ITCH: variants seen among roughly 807,000 people sequenced by gnomAD.
ITCH encodes the protein itchy E3 ubiquitin protein ligase.
A neutral mutation model predicts 126.8 loss-of-function variants in ITCH; 28 were observed. That is an observed-to-expected ratio of 0.22 (90% confidence interval 0.16 to 0.30). The LOEUF (loss-of-function observed/expected upper bound fraction) is 0.30, where lower values mean the gene tolerates loss of function less well. Ranked by LOEUF, ITCH falls within the 10% of genes least tolerant of loss-of-function variation. The pLI is 1.00. For missense variants in ITCH, 631 were observed against 1,032.4 expected (o/e 0.61, Z 5.33); for synonymous variants, 342 against 340.0 (o/e 1.01, Z -0.06).
At chr20:34,507,284 TTTTTTGG>T (rs1375964902) in intron 24 of ITCH, among the ~76,000 whole-genome samples, 48 of 99,558 alleles carry the variant, frequency 4.8e-4, no homozygotes, top group African/African-American at 1.6e-3. Flanking sequence ...TTTTTTTTTT[TTTTTTGG>T]TTGTTGTTGT....
chr20:34,433,616 C>CTA (rs898803136), intron 7 of ITCH, among the ~76,000 whole-genome samples: 3 of 145,008 alleles, frequency 2.1e-5, no homozygotes, highest in African/African-American at 5.2e-5. Flanking sequence ...GTGATTGTGC[C>CTA]TATGCACTCC....
chr20:34,445,199 A>G, intron 10 of ITCH, 88 bp from the exon 11 acceptor site: 1 of 1,404,186 alleles, frequency 7.1e-7, no homozygotes, highest in Admixed American at 1.9e-5. Context: ...CAGATAAATC[A>G]AAAGTAGTTT....
intron 7 of ITCH, among the ~76,000 whole-genome samples, chr20:34,436,751 C>T (rs182502436): frequency 6.6e-5 from 10 of 152,328 alleles, no homozygotes; most frequent in African/African-American, 2.4e-4. Context: ...CTGTATAGTG[C>T]TCGTCCGTTT....
At chr20:34,402,501 A>T in intron 3 of ITCH, 3 of 759,150 alleles carry the variant, frequency 4.0e-6, no homozygotes, top group South Asian at 2.7e-5. Context: ...CTGTTTGTGG[A>T]TAACTCAGCA....
Position 34,393,833 on chromosome 20 carries a change from C to T in ITCH, c.22C>T (p.Leu8Phe). ...TGGTATGTCTGACAGTGGATCACAA[C>T]TTGGTTCAATGGGTAGCCTCACCAT... Reference protein sequence around the residue: MSDSGSQLGSMGSLTMKS... With the variant: MSDSGSQFGSMGSLTMKS... The change falls in exon 3 of 25, where the codon CTT becomes TTT. Residue 8 changes from leucine (L) to phenylalanine (F), a missense_variant. Leu to Phe is a conservative substitution (Grantham distance 22). Coordinates refer to ENST00000374864, the MANE Select transcript of ITCH (RefSeq NM_031483.7). 6.2e-7 allele frequency: 1 copy of T among 1,613,960 alleles called. No homozygotes were observed. Among genetic ancestry groups the T allele is most frequent in the Non-Finnish European group, 8.5e-7 (1 of 1,179,852 alleles).
At position 34,489,399 on chromosome 20, in the gene ITCH, C is replaced by T. The variant is rs778905675; in HGVS notation, c.2214+13C>T. ...AAAGGAATTAGAGGTAATGAATTTT[C>T]CTTCATTCCCCTGTACCATGCTAGT... On this transcript the variant is annotated intron_variant, in intron 21 of 24. Transcript: ENST00000374864. 13 of 1,608,896 alleles carry T rather than the reference C, an allele frequency of 8.1e-6. No homozygotes were observed. Among genetic ancestry groups the T allele is most frequent in the Admixed American group, 6.7e-5 (4 of 59,984 alleles).
intron 5 of ITCH, among the ~76,000 whole-genome samples, chr20:34,412,918 T>C (rs1206181306): frequency 6.6e-6 from 1 of 151,942 alleles, no homozygotes; most frequent in Non-Finnish European, 1.5e-5. Context: ...AACTAAAATA[T>C]AGAGCAGAGA....
intron 22 of ITCH, 73 bp from the exon 23 acceptor site, chr20:34,492,425 CATT>C (rs1402456273): frequency 2.0e-6 from 2 of 979,044 alleles, no homozygotes; most frequent in East Asian, 2.6e-5. Context: ...GATTTGAAAT[CATT>C]ATTTTTCTTT....
intron 2 of ITCH, among the ~76,000 whole-genome samples, chr20:34,370,668 A>AAC (rs2037589477): frequency 6.6e-6 from 1 of 151,636 alleles, no homozygotes; most frequent in Non-Finnish European, 1.5e-5. Flanking sequence ...TGTCTCAAAA[A>AAC]AAAAAAAAAG....
intron 2 of ITCH, among the ~76,000 whole-genome samples, chr20:34,376,775 G>C (rs1484599297): frequency 6.6e-6 from 1 of 152,120 alleles, no homozygotes; most frequent in Non-Finnish European, 1.5e-5. Flanking sequence ...GCAAAATTGA[G>C]GTCTGTAGTA....
chr20:34,502,340 TTCTGTGAACAGCCACTGC>T (rs1409621850), intron 23 of ITCH, among the ~76,000 whole-genome samples: 1 of 151,774 alleles, frequency 6.6e-6, no homozygotes, highest in East Asian at 1.9e-4. Flanking sequence ...CTATAACTGC[TTCTGTGAACAGCCACTGC>T]ACTTAAGCAT....
chr20:34,454,181 A>G (rs1487902362), intron 12 of ITCH, among the ~76,000 whole-genome samples: 3 of 143,190 alleles, frequency 2.1e-5, no homozygotes, highest in East Asian at 2.1e-4. Context: ...TCTGTCGCCC[A>G]GGCTGGAGTG....
Position 34,508,992 on chromosome 20 carries a change from AAAAGTCTTC to A in ITCH, c.*1204_*1212del, listed in dbSNP as rs796957224. ...CACAGGAATATATTCTCTGTGAATT[AAAAGTCTTC>A]AAAGTTATCATTTCTCTGACATATG... On this transcript the variant is annotated 3_prime_UTR_variant, in exon 25 of 25. Coordinates refer to ENST00000374864, the MANE Select transcript of ITCH (RefSeq NM_031483.7). The A allele has an allele frequency of 1.1e-4, 17 of 152,550 alleles. No homozygotes were observed. Among genetic ancestry groups the A allele is most frequent in the African/African-American group, 4.1e-4 (17 of 41,570 alleles). The allele number at this position is 152,550 out of a possible 1,614,324, so 9.4% of individuals were successfully genotyped here.
intron 20 of ITCH, among the ~76,000 whole-genome samples, chr20:34,486,907 C>T (rs1600475209): frequency 6.6e-6 from 1 of 151,904 alleles, no homozygotes; most frequent in South Asian, 2.1e-4. Flanking sequence ...GTCTTGAACT[C>T]CTGTGCTCAA....
chr20:34,439,889 G>A (rs566015213), intron 8 of ITCH, among the ~76,000 whole-genome samples: 1 of 152,128 alleles, frequency 6.6e-6, no homozygotes, highest in Non-Finnish European at 1.5e-5. Context: ...TTTATTTCCA[G>A]TGACATCAGA....
At chr20:34,484,080 C>G (rs977713874) in intron 20 of ITCH, among the ~76,000 whole-genome samples, 2 of 152,180 alleles carry the variant, frequency 1.3e-5, no homozygotes, top group Admixed American at 1.3e-4. Context: ...CCCACTGGTT[C>G]TCTCCCATAA....
In ITCH at chr20:34,408,940, C is replaced by T. The variant is rs1417241952; in HGVS notation, c.212+148C>T. 5.0e-6 allele frequency: 4 copies of T among 798,356 alleles called. No homozygotes were observed. The African/African-American group carries it at 7.2e-5, about 14-fold the overall frequency. The allele number at this position is 798,356 out of a possible 1,614,324, so 49.5% of individuals were successfully genotyped here. ...TTTTTTTTTCTTTTTCCTAGGACTC[C>T]TTCTGGTTTGCTTTTTTGTTTCTCT... is the stretch of plus-strand genomic sequence containing the variant. On this transcript the variant is annotated intron_variant, in intron 4 of 24. Coordinates refer to ENST00000374864, the MANE Select transcript of ITCH (RefSeq NM_031483.7).
intron 3 of ITCH, among the ~76,000 whole-genome samples, chr20:34,398,224 G>A (rs1003798477): frequency 6.6e-6 from 1 of 151,484 alleles, no homozygotes; most frequent in East Asian, 1.9e-4. Context: ...CACCACACCC[G>A]GCTAATTTTT....
chr20:34,414,256 A>G (rs764063041), intron 6 of ITCH, among the ~76,000 whole-genome samples: 1 of 152,092 alleles, frequency 6.6e-6, no homozygotes, highest in Non-Finnish European at 1.5e-5. Context: ...GTATATTTTT[A>G]CATAAGTTGA....
Sources: gnomAD v4.1 joint callset for allele counts (sites outside exome capture counted in the v4.1 genomes callset) on GRCh38, gnomAD v4.1.1 for gene constraint, MANE v1.5 for transcripts, NCBI Gene and HGNC (gene_info 2026-07-23, HGNC 2026-07-21) for gene names.